The following SBF2 variants were observed in gnomAD, a reference collection of about 807,000 sequenced individuals.
The protein encoded by SBF2 is myotubularin-related protein 13.
A neutral mutation model predicts 225.2 loss-of-function variants in SBF2; 112 were observed. That is an observed-to-expected ratio of 0.50 (90% CI 0.43 to 0.58). SBF2 has a LOEUF of 0.58. Among genes scored for constraint, SBF2 ranks in the 20% least tolerant of loss-of-function variants. The probability of loss-of-function intolerance (pLI) is 0.00; values close to 1 mark genes in which losing one functional copy is unlikely to be tolerated. For missense variants in SBF2, 1,996 were observed against 2,206.2 expected, an observed-to-expected ratio of 0.90 and a Z score of 1.91; for synonymous variants, 763 against 773.3, an observed-to-expected ratio of 0.99 and a Z score of 0.22.
chr11:10,252,217 C>CA (rs1762397082), intron 1 of SBF2, among the ~76,000 whole-genome samples: 1 of 152,192 alleles, frequency 6.6e-6, no homozygotes, highest in African/African-American at 2.4e-5. Context: ...CAAATAAGTA[C>CA]ATTTACAATG....
intron 26 of SBF2, among the ~76,000 whole-genome samples, chr11:9,836,627 A>G (rs1277312439): frequency 1.3e-5 from 2 of 152,142 alleles, no homozygotes; most frequent in African/African-American, 4.8e-5. Context: ...GTTTCCATTA[A>G]CATTTTGCTG....
intron 16 of SBF2, chr11:9,960,830 A>C (rs1205648439): frequency 6.6e-6 from 1 of 151,946 alleles, no homozygotes; most frequent in East Asian, 1.9e-4. Flanking sequence ...AAGCCTGGCT[A>C]ATTTTTGTAT....
At chr11:10,085,143 T>G (rs530335116) in intron 2 of SBF2, among the ~76,000 whole-genome samples, 12 of 152,358 alleles carry the variant, frequency 7.9e-5, no homozygotes, top group African/African-American at 2.9e-4. Flanking sequence ...ATTCCCAGAT[T>G]AAGAAACAAT....
At chr11:10,210,597 T>A (rs1408593775) in intron 1 of SBF2, among the ~76,000 whole-genome samples, 1 of 151,914 alleles carries the variant, frequency 6.6e-6, no homozygotes, top group East Asian at 1.9e-4. Flanking sequence ...TCTACCAGAG[T>A]CAGCTCTTAG....
At chr11:9,861,703 T>C (rs1857762505) in intron 17 of SBF2, among the ~76,000 whole-genome samples, 1 of 151,858 alleles carries the variant, frequency 6.6e-6, no homozygotes, top group Non-Finnish European at 1.5e-5. Context: ...AAACAGGTTT[T>C]CACTATGTTG....
chr11:10,211,446 T>G (rs1957942471), intron 1 of SBF2, among the ~76,000 whole-genome samples: 1 of 152,222 alleles, frequency 6.6e-6, no homozygotes, highest in African/African-American at 2.4e-5. Context: ...TATCTTCTAC[T>G]TCAGAAAGGA....
At position 9,829,444 on chromosome 11, in the gene SBF2, C is replaced by T; in HGVS notation, c.3705G>A (p.Leu1235=). The T allele has an allele frequency of 6.2e-7, 1 of 1,613,458 alleles. No individual in the cohort carries two copies. Residue 1235 remains leucine (L), a synonymous_variant, in exon 28 of 40, where the codon TTG becomes TTA. Coordinates refer to ENST00000256190, the MANE Select transcript of SBF2 (RefSeq NM_030962.4). ...CAGAAACAGCATTCAGTAAGGCTTG[C>T]AAGTATTTCTCTTGTTCTATGCTAC... is the stretch of plus-strand genomic sequence containing the variant. The part of the protein sequence containing the change: ...SSSSIEQEKY[L]QALLNAVSVH...
intron 2 of SBF2, among the ~76,000 whole-genome samples, chr11:10,129,213 C>CA (rs1565262188): frequency 2.0e-5 from 3 of 149,786 alleles, no homozygotes; most frequent in Non-Finnish European, 3.0e-5. Flanking sequence ...AAGCGATTCT[C>CA]CTGCCTCAAC....
chr11:10,067,802 G>C (rs1439906710), intron 2 of SBF2, among the ~76,000 whole-genome samples: 2 of 152,044 alleles, frequency 1.3e-5, no homozygotes, highest in Admixed American at 1.3e-4. Context: ...TGAGGTGGGA[G>C]GATCAATTGA....
chr11:9,908,841 C>T (rs897573452), intron 16 of SBF2, among the ~76,000 whole-genome samples: 2 of 135,680 alleles, frequency 1.5e-5, no homozygotes, highest in South Asian at 2.4e-4. Context: ...TGTGCCACTG[C>T]GCATGGCTAA....
At chr11:9,839,748 G>C (rs1855981358) in intron 25 of SBF2, 52 bp from the exon 26 acceptor site, 1 of 1,515,782 alleles carries the variant, frequency 6.6e-7, no homozygotes, top group Non-Finnish European at 9.2e-7. Context: ...AAGCAATTGA[G>C]GTCTTCAGGG....
intron 1 of SBF2, among the ~76,000 whole-genome samples, chr11:10,224,105 A>C (rs1271857511): frequency 6.6e-6 from 1 of 152,154 alleles, no homozygotes; most frequent in Non-Finnish European, 1.5e-5. Context: ...GTATCTACTT[A>C]TATTTTATGT....
At chr11:9,937,587 A>G (rs1305669191) in intron 16 of SBF2, among the ~76,000 whole-genome samples, 3 of 152,198 alleles carry the variant, frequency 2.0e-5, no homozygotes, top group East Asian at 1.9e-4. Context: ...TCAGATTTTT[A>G]TTTAACATTG....
At chr11:10,004,574 T>TTA (rs1554981699) in intron 6 of SBF2, among the ~76,000 whole-genome samples, 934 of 85,532 alleles carry the variant, frequency 0.011, 16 homozygotes, top group African/African-American at 0.04. Flanking sequence ...CTACAAAAAT[T>TTA]AAAAAAAAAA....
intron 1 of SBF2, among the ~76,000 whole-genome samples, chr11:10,288,310 G>A (rs766051044): frequency 2.4e-4 from 36 of 152,194 alleles, no homozygotes; most frequent in Non-Finnish European, 4.4e-4. Context: ...CAAATGGAGG[G>A]TGAGCAAGAC....
At chr11:9,976,837 C>T (rs558184573) in intron 13 of SBF2, among the ~76,000 whole-genome samples, 1 of 151,542 alleles carries the variant, frequency 6.6e-6, no homozygotes, top group South Asian at 2.1e-4. Flanking sequence ...GGCGTGATCT[C>T]GGCTCACTGC....
At chr11:10,053,121 A>G (rs1160582065) in intron 2 of SBF2, among the ~76,000 whole-genome samples, 1 of 152,060 alleles carries the variant, frequency 6.6e-6, no homozygotes, top group Non-Finnish European at 1.5e-5. Context: ...ATGTATTTAT[A>G]TATTTTTAAC....
Position 10,275,127 on chromosome 11 carries a change from A to C in SBF2, c.55+18888T>G, listed in dbSNP as rs71476865. Among the ~76,000 whole-genome samples the C allele has an allele frequency of 1.6e-3, 250 of 152,338 alleles. 1 individual carries two copies. Among genetic ancestry groups the C allele is most frequent in the Non-Finnish European group, 1.4e-3 (93 of 68,038 alleles). ...CAGTCCAGAAACTAAGTCCATAAGG[A>C]GGTAAAGTCAAATGTGAGTAAAACA... is the stretch of plus-strand genomic sequence containing the variant. On this transcript the variant is annotated intron_variant, in intron 1 of 39. Coordinates refer to ENST00000256190, the MANE Select transcript of SBF2 (RefSeq NM_030962.4).
intron 2 of SBF2, among the ~76,000 whole-genome samples, chr11:10,169,610 G>C (rs1363602699): frequency 1.3e-5 from 2 of 152,072 alleles, no homozygotes; most frequent in Admixed American, 6.6e-5. Context: ...TCCAAATCTT[G>C]GCCATTGTGA....
Sources: allele counts gnomAD v4.1 joint callset (sites outside exome capture counted in the v4.1 genomes callset), GRCh38; gene constraint gnomAD v4.1.1; transcripts MANE v1.5; gene names NCBI Gene and HGNC (gene_info 2026-07-23, HGNC 2026-07-21).